Variants in WWOX observed in about 807,000 individuals in gnomAD.
The protein encoded by WWOX is WW domain containing oxidoreductase.
A neutral mutation model predicts 46.2 loss-of-function variants in WWOX; 69 were observed. That is an observed-to-expected ratio of 1.49 (90% CI 1.23 to 1.82). WWOX has a LOEUF of 1.82. WWOX is among the 40% of genes most tolerant of loss of function. The probability of loss-of-function intolerance (pLI) is 0.00; values close to 1 mark genes in which losing one functional copy is unlikely to be tolerated. For missense variants in WWOX, 919 were observed against 542.6 expected, an observed-to-expected ratio of 1.69 and a Z score of -6.89; for synonymous variants, 359 against 202.6, an observed-to-expected ratio of 1.77 and a Z score of -6.56.
At chr16:78,887,232 C>G (rs753477276) in intron 8 of WWOX, among the ~76,000 whole-genome samples, 2 of 151,596 alleles carry the variant, frequency 1.3e-5, no homozygotes, top group Non-Finnish European at 2.9e-5. Flanking sequence ...TCAACTTAAT[C>G]CATTGTCATG....
At chr16:78,793,001 C>T (rs1837752536) in intron 8 of WWOX, among the ~76,000 whole-genome samples, 1 of 152,130 alleles carries the variant, frequency 6.6e-6, no homozygotes, top group Non-Finnish European at 1.5e-5. Flanking sequence ...CCATTAAGTC[C>T]CTTAAGATGC....
At chr16:79,061,389 C>T (rs1175955677) in intron 8 of WWOX, among the ~76,000 whole-genome samples, 3 of 152,166 alleles carry the variant, frequency 2.0e-5, no homozygotes, top group Non-Finnish European at 4.4e-5. Flanking sequence ...TGCAGTTCCA[C>T]GATCCACTTG....
intron 7 of WWOX, among the ~76,000 whole-genome samples, chr16:78,426,602 C>T (rs2083083916): frequency 6.6e-6 from 1 of 152,156 alleles, no homozygotes; most frequent in South Asian, 2.1e-4. Flanking sequence ...AGGCTTGCTC[C>T]TGTGTGATGG....
At chr16:78,981,103 T>C (rs2046672710) in intron 8 of WWOX, among the ~76,000 whole-genome samples, 1 of 152,136 alleles carries the variant, frequency 6.6e-6, no homozygotes, top group South Asian at 2.1e-4. Context: ...TCCTGTGGAG[T>C]CCCATGCCTT....
chr16:79,020,007 GC>G (rs2047499416), intron 8 of WWOX, among the ~76,000 whole-genome samples: 1 of 152,190 alleles, frequency 6.6e-6, no homozygotes, highest in Non-Finnish European at 1.5e-5. Flanking sequence ...GTGGGGAAGA[GC>G]TCATCATTAA....
intron 8 of WWOX, among the ~76,000 whole-genome samples, chr16:79,182,176 G>C (rs573588817): frequency 6.6e-6 from 1 of 151,500 alleles, no homozygotes; most frequent in Non-Finnish European, 1.5e-5. Flanking sequence ...CTGGTGGTTC[G>C]TTTTCATCTT....
intron 5 of WWOX, among the ~76,000 whole-genome samples, chr16:78,363,996 C>G (rs1334136525): frequency 6.6e-6 from 1 of 152,212 alleles, no homozygotes; most frequent in Non-Finnish European, 1.5e-5. Flanking sequence ...AGGAATTCTT[C>G]AAAACAATTT....
At chr16:78,285,128 A>G (rs1421263842) in intron 5 of WWOX, among the ~76,000 whole-genome samples, 1 of 152,034 alleles carries the variant, frequency 6.6e-6, no homozygotes, top group Non-Finnish European at 1.5e-5. Context: ...TGGATCTGTC[A>G]CTCCCTCAGA....
rs532278176 is a variant in WWOX at position 78,867,666 on chromosome 16, G to A, written c.1057-343942G>A. Among the ~76,000 whole-genome samples, 16 of 152,110 alleles carry A rather than the reference G, an allele frequency of 1.1e-4. No homozygotes were observed. The South Asian group carries it at 1.7e-3, about 16-fold the overall frequency. ...AGAGAGTCTCCCACCTCAGCCTCAC[G>A]AGTAGCTGGGATTTCAGGTGCCTGC... On this transcript the variant is annotated intron_variant, in intron 8 of 8. Transcript: ENST00000566780.
intron 8 of WWOX, among the ~76,000 whole-genome samples, chr16:78,476,924 C>G (rs1236740517): frequency 6.6e-6 from 1 of 152,102 alleles, no homozygotes; most frequent in Non-Finnish European, 1.5e-5. Context: ...CTTCTCCTTT[C>G]CGTCCTTCCT....
chr16:78,767,377 C>G (rs2049947955), intron 8 of WWOX, among the ~76,000 whole-genome samples: 3 of 152,074 alleles, frequency 2.0e-5, no homozygotes, highest in Middle Eastern at 3.4e-3. Flanking sequence ...TCCGGTCATC[C>G]ACCCGCCTGG....
chr16:78,508,281 G>T (rs1239645303), intron 8 of WWOX, among the ~76,000 whole-genome samples: 3 of 145,882 alleles, frequency 2.1e-5, no homozygotes, highest in African/African-American at 7.8e-5. Context: ...AAAGTGCTGG[G>T]ATTATAGGCG....
intron 8 of WWOX, among the ~76,000 whole-genome samples, chr16:78,787,957 T>A (rs1360927834): frequency 6.6e-6 from 1 of 152,246 alleles, no homozygotes; most frequent in East Asian, 1.9e-4. Context: ...ATAGAAATGT[T>A]GATTCAAGTC....
intron 8 of WWOX, chr16:78,896,336 C>T (rs919307496): frequency 1.3e-5 from 2 of 151,980 alleles, no homozygotes; most frequent in Non-Finnish European, 2.9e-5. Context: ...TTCCCAAAAC[C>T]ACTTGGTGTT....
chr16:78,431,579 T>C (rs1056414246), intron 7 of WWOX, among the ~76,000 whole-genome samples: 1 of 152,170 alleles, frequency 6.6e-6, no homozygotes, highest in African/African-American at 2.4e-5. Context: ...TTGAACTTCC[T>C]GTTGAAGGTT....
chr16:79,181,623 C>A (rs2050913604), intron 8 of WWOX, among the ~76,000 whole-genome samples: 1 of 152,058 alleles, frequency 6.6e-6, no homozygotes, highest in South Asian at 2.1e-4. Flanking sequence ...TTAACATCCC[C>A]CTTATTACTC....
At chr16:78,706,863 T>C (rs1393903163) in intron 8 of WWOX, among the ~76,000 whole-genome samples, 1 of 152,044 alleles carries the variant, frequency 6.6e-6, no homozygotes, top group Admixed American at 6.6e-5. Flanking sequence ...ATTGACGCAA[T>C]CCTGGCTGGC....
chr16:78,990,978 C>G (rs2046876488), intron 8 of WWOX, among the ~76,000 whole-genome samples: 1 of 152,212 alleles, frequency 6.6e-6, no homozygotes, highest in African/African-American at 2.4e-5. Context: ...GACCAAAACC[C>G]TGGCAAGGAC....
At chr16:78,604,306 G>C (rs1338440288) in intron 8 of WWOX, among the ~76,000 whole-genome samples, 1 of 152,040 alleles carries the variant, frequency 6.6e-6, no homozygotes, top group Non-Finnish European at 1.5e-5. Context: ...CTTACATCTT[G>C]TCCTCTTAAC....
Sources: allele counts gnomAD v4.1 joint callset (sites outside exome capture counted in the v4.1 genomes callset), GRCh38; gene constraint gnomAD v4.1.1; transcripts MANE v1.5; gene names NCBI Gene and HGNC (gene_info 2026-07-23, HGNC 2026-07-21).